RYR3: variants seen among roughly 807,000 people sequenced by gnomAD.
RYR3 encodes brain ryanodine receptor-calcium release channel.
A neutral mutation model predicts 584.3 loss-of-function variants in RYR3; 207 were observed. The ratio of observed to expected loss-of-function variants is 0.35; its 90% confidence interval spans 0.32 to 0.40. RYR3 has a LOEUF of 0.40. RYR3 is among the 10% of genes least tolerant of loss of function. The pLI, the probability that RYR3 is intolerant of heterozygous loss-of-function variation, is 1.00. For missense variants in RYR3, 5,616 were observed against 6,089.2 expected, an observed-to-expected ratio of 0.92 and a Z score of 2.59; for synonymous variants, 2,416 against 2,248.5, an observed-to-expected ratio of 1.07 and a Z score of -2.11.
At chr15:33,642,615 T>G (rs1173036923) in intron 27 of RYR3, among the ~76,000 whole-genome samples, 1 of 152,244 alleles carries the variant, frequency 6.6e-6, no homozygotes, top group African/African-American at 2.4e-5. Context: ...GGAATTTTAC[T>G]GGCAAGCAAT....
chr15:33,769,953 A>AAT (rs1555449835), intron 62 of RYR3, among the ~76,000 whole-genome samples: 62 of 152,198 alleles, frequency 4.1e-4, no homozygotes, highest in African/African-American at 1.3e-3. Flanking sequence ...TGTCTTAAAA[A>AAT]ATATATATAA....
At chr15:33,683,624 G>A (rs2064788103) in intron 38 of RYR3, among the ~76,000 whole-genome samples, 1 of 152,312 alleles carries the variant, frequency 6.6e-6, no homozygotes, top group East Asian at 1.9e-4. Flanking sequence ...TCATCTCACT[G>A]GGACTGGTTG....
Position 33,739,957 on chromosome 15 carries a change from G to A in RYR3, c.7782G>A (p.Ala2594=), listed in dbSNP as rs533168127. ...ATLEKQISVD[A]DGNFDPKPIN... The stretch of plus-strand genomic sequence containing the variant: ...TGGAGAAACAGATCTCAGTGGATGC[G>A]GATGGCAACTTTGACCCAAAACCTA... The change falls in exon 51 of 104, where the codon GCG becomes GCA. Residue 2594 remains alanine (A), a synonymous_variant. Coordinates refer to ENST00000634891, the MANE Select transcript of RYR3 (RefSeq NM_001036.6). 2.0e-5 allele frequency: 33 copies of A among 1,613,878 alleles called. No homozygotes were observed. The South Asian group carries it at 2.9e-4, about 14-fold the overall frequency.
intron 19 of RYR3, among the ~76,000 whole-genome samples, chr15:33,619,553 C>T (rs1052093846): frequency 1.5e-4 from 23 of 152,184 alleles, no homozygotes; most frequent in African/African-American, 4.3e-4. Context: ...ACCCCTGTAA[C>T]TCCATGCTCT....
chr15:33,473,568 T>G lies in RYR3; in HGVS notation c.171+30T>G, dbSNP rs200299528. 200 of 1,611,080 alleles carry G rather than the reference T, an allele frequency of 1.2e-4. 2 individuals carry two copies. The highest frequency in any genetic ancestry group is 1.8e-5 in the Non-Finnish European group (21 of 1,177,660). ...GATTGGCTGTCCGCCCTACACCTTC[T>G]TCCACCTTGGCGTCTGACAAAGTCA... On this transcript the variant is annotated intron_variant, in intron 2 of 103. Transcript: ENST00000634891.
At chr15:33,543,264 C>G (rs1049795967) in intron 7 of RYR3, among the ~76,000 whole-genome samples, 1 of 152,062 alleles carries the variant, frequency 6.6e-6, no homozygotes, top group African/African-American at 2.4e-5. Flanking sequence ...GGATATTTAT[C>G]CAGAAATTTG....
intron 9 of RYR3, among the ~76,000 whole-genome samples, chr15:33,549,286 T>A (rs569701765): frequency 6.6e-6 from 1 of 152,344 alleles, no homozygotes; most frequent in East Asian, 1.9e-4. Context: ...CTTCTGGTTA[T>A]GATTGCTTGC....
At chr15:33,556,162 A>C (rs992944509) in intron 10 of RYR3, among the ~76,000 whole-genome samples, 1 of 152,180 alleles carries the variant, frequency 6.6e-6, no homozygotes, top group Non-Finnish European at 1.5e-5. Flanking sequence ...GTATTGTAAA[A>C]GGTACTTTCT....
In RYR3 at chr15:33,392,080, C is replaced by T. The variant is rs1032728011; in HGVS notation, c.51+80984C>T. Among the ~76,000 whole-genome samples, 8 of 151,952 alleles carry T rather than the reference C, an allele frequency of 5.3e-5. No individual in the cohort carries two copies. The South Asian group carries it at 1.5e-3, about 28-fold the overall frequency. The stretch of plus-strand genomic sequence containing the variant: ...AGAGCACCTATCAATTAGATGCTTA[C>T]TTGCTTGATGTCCGTTTCCCCCATT... On this transcript the variant is annotated intron_variant, in intron 1 of 103. Transcript: ENST00000634891.
chr15:33,361,894 T>G (rs546029129), intron 1 of RYR3, among the ~76,000 whole-genome samples: 1 of 152,180 alleles, frequency 6.6e-6, no homozygotes, highest in Non-Finnish European at 1.5e-5. Context: ...GTGATGCTTG[T>G]TGTCAGGAAA....
At chr15:33,766,643 G>A (rs957164297) in intron 60 of RYR3, among the ~76,000 whole-genome samples, 5 of 152,220 alleles carry the variant, frequency 3.3e-5, no homozygotes, top group East Asian at 1.9e-4. Flanking sequence ...ACCTAGAGCC[G>A]ATCAGCCTTG....
chr15:33,548,173 T>G lies in RYR3; in HGVS notation c.784T>G (p.Ser262Ala). 1 of 1,612,636 alleles carries G rather than the reference T, an allele frequency of 6.2e-7. No homozygotes were observed. The highest frequency in any genetic ancestry group is 8.5e-7 in the Non-Finnish European group (1 of 1,179,304). Residue 262 changes from serine (S) to alanine (A), a missense_variant, in exon 9 of 104, where the codon TCT (serine) becomes GCT (alanine). This residue lies in a region of RYR3 where 1,284 missense variants were observed against 1,344.6 expected (regional missense o/e 0.95). Coordinates refer to ENST00000634891, the MANE Select transcript of RYR3 (RefSeq NM_001036.6). ...EAGGAGTRAR[S>A]LWRVEPLRIS... Reference sequence around the variant, plus strand: ...TGGGGGAGCTGGGACTCGAGCCAGGTCTCTTTGGAGAGTGGAACCCCTTCG... The same window carrying G: ...TGGGGGAGCTGGGACTCGAGCCAGGGCTCTTTGGAGAGTGGAACCCCTTCG...
intron 95 of RYR3, 150 bp from the exon 96 acceptor site, chr15:33,853,405 G>A (rs1422935243): frequency 9.6e-7 from 1 of 1,044,600 alleles, no homozygotes; most frequent in Non-Finnish European, 1.3e-6. Context: ...TTTTTCTCTG[G>A]GTTTTCTCTT....
Position 33,860,597 on chromosome 15 carries a change from C to A in RYR3, c.14302C>A (p.Leu4768Ile). The A allele has an allele frequency of 6.3e-7, 1 of 1,579,190 alleles. No individual in the cohort carries two copies. The highest frequency in any genetic ancestry group is 1.2e-5 in the South Asian group (1 of 85,644). ...IVILLAIIQG[L>I]IIDAFGELRD... ...TGTCTTTGTATTTAACATTCCAGGT[C>A]TTATTATTGATGCTTTCGGAGAGCT... The change falls in exon 101 of 104, where the codon CTT (leucine) becomes ATT (isoleucine). Residue 4768 changes from leucine (L) to isoleucine (I), a missense_variant and splice_region_variant. Physicochemically the swap from Leu to Ile is conservative, Grantham distance 5 (BLOSUM62 2). Around this residue, in one of 9 missense-constraint regions of RYR3, gnomAD observed 918 missense variants for 887.4 expected, o/e 1.03. Coordinates refer to ENST00000634891, the MANE Select transcript of RYR3 (RefSeq NM_001036.6).
chr15:33,694,199 A>C lies in RYR3; in HGVS notation c.5861-2019A>C, dbSNP rs191703758. 1.3e-3 allele frequency among the ~76,000 whole-genome samples: 187 copies of C among 148,474 alleles called. 3 individuals are homozygous for C. The highest frequency in any genetic ancestry group is 1.3e-4 in the Non-Finnish European group (9 of 66,896). On this transcript the variant is annotated intron_variant, in intron 38 of 103. Coordinates refer to ENST00000634891, the MANE Select transcript of RYR3 (RefSeq NM_001036.6). Reference sequence around the variant, plus strand: ...TTTAAATTATTTCTTTTGTGCTCTCATTTACTATTCATTTGCTTTTTTCTG... The same window carrying C: ...TTTAAATTATTTCTTTTGTGCTCTCCTTTACTATTCATTTGCTTTTTTCTG...
At chr15:33,834,899 C>T in intron 86 of RYR3, 69 bp from the exon 87 acceptor site, 2 of 1,172,730 alleles carry the variant, frequency 1.7e-6, no homozygotes, top group Non-Finnish European at 1.3e-6. Context: ...GTATCAGATG[C>T]CCTTACTAGA....
intron 6 of RYR3, among the ~76,000 whole-genome samples, chr15:33,540,348 G>A (rs1460580198): frequency 6.6e-6 from 1 of 152,114 alleles, no homozygotes; most frequent in South Asian, 2.1e-4. Context: ...AGCACCATTT[G>A]TGTCAGGCAC....
rs1346911589 is a variant in RYR3 at position 33,830,985 on chromosome 15, G to A, written c.11357G>A (p.Trp3786Ter). The A allele has an allele frequency of 1.9e-6, 3 of 1,613,442 alleles. No individual in the cohort carries two copies. The highest frequency in any genetic ancestry group is 2.5e-6 in the Non-Finnish European group (3 of 1,179,632). ...TAGGAATCAATCAGTGATTTCTACT[G>A]GTATTATTCAGGGAAGGACATCATT... is the stretch of plus-strand genomic sequence containing the variant. ...RLQESISDFY[W>*]YYSGKDIIDE... is the part of the protein sequence containing the mutation. Residue 3786 changes from tryptophan (W) to a stop codon, truncating the protein, a stop_gained, in exon 86 of 104, where the codon TGG (tryptophan) becomes TAG (stop). Coordinates refer to ENST00000634891, the MANE Select transcript of RYR3 (RefSeq NM_001036.6). LOFTEE classifies it high-confidence loss of function.
chr15:33,487,445 G>A (rs191398382), intron 2 of RYR3, among the ~76,000 whole-genome samples: 15 of 152,306 alleles, frequency 9.8e-5, no homozygotes, highest in African/African-American at 3.6e-4. Flanking sequence ...AGCATGGTGG[G>A]CATGTAGTGG....
Sources: gnomAD v4.1 joint callset for allele counts (sites outside exome capture counted in the v4.1 genomes callset) on GRCh38, gnomAD v4.1.1 for gene constraint, gnomAD v4.1.1 regional missense constraint, MANE v1.5 for transcripts, NCBI Gene and HGNC (gene_info 2026-07-23, HGNC 2026-07-21) for gene names.